The following FABP12 variants were observed in gnomAD, a reference collection of about 807,000 sequenced individuals.
FABP12 encodes the protein fatty acid-binding protein 12.
In FABP12, 19 loss-of-function variants were observed where a neutral mutation model predicts 13.7. The ratio of observed to expected loss-of-function variants is 1.39; its 90% CI spans 0.97 to 2.04. The LOEUF is 2.04. Among genes scored for constraint, FABP12 ranks in the 30% most tolerant of loss-of-function variants. The probability of loss-of-function intolerance (pLI) is 0.00; values close to 1 mark genes in which losing one functional copy is unlikely to be tolerated. For synonymous variants in FABP12, 61 were observed against 57.0 expected (o/e 1.07, Z -0.32); for missense variants, 182 against 164.2 (o/e 1.11, Z -0.59).
chr8:81,580,060 T>A (rs1421198424), intron 1 of FABP12, among the ~76,000 whole-genome samples: 2 of 152,206 alleles, frequency 1.3e-5, no homozygotes, highest in Non-Finnish European at 2.9e-5. Context: ...GAGAAAAGCG[T>A]GACAATTGTC....
chr8:81,568,623 G>A (rs1809870274), intron 1 of FABP12, among the ~76,000 whole-genome samples: 1 of 152,088 alleles, frequency 6.6e-6, no homozygotes. Context: ...GCAACACCAC[G>A]GCTAGGTAAA....
chr8:81,552,066 A>C (rs1809531275), intron 1 of FABP12, among the ~76,000 whole-genome samples: 1 of 152,152 alleles, frequency 6.6e-6, no homozygotes, highest in South Asian at 2.1e-4. Flanking sequence ...ATCTGTGACT[A>C]ATGCAAGCAG....
rs974336925 is a variant in FABP12, at chr8:81,556,769, A to G, written c.-184-17026T>C. Among the ~76,000 whole-genome samples the G allele has an allele frequency of 2.0e-5, 3 of 147,728 alleles. No individual in the cohort carries two copies. The Admixed American group carries it at 2.0e-4, about 10-fold the overall frequency. Reference sequence around the variant, plus strand: ...TTTTATTTTAAATATATATTTATATATAAATTATTATTTTATACATATATA... The same window carrying G: ...TTTTATTTTAAATATATATTTATATGTAAATTATTATTTTATACATATATA... On this transcript the variant is annotated intron_variant, in intron 1 of 5. Transcript: ENST00000692030.
At chr8:81,549,973 A>G (rs752608440) in intron 1 of FABP12, among the ~76,000 whole-genome samples, 7 of 152,192 alleles carry the variant, frequency 4.6e-5, no homozygotes, top group African/African-American at 1.7e-4. Context: ...TGCTGAAATT[A>G]TCTATGCTTA....
intron 1 of FABP12, among the ~76,000 whole-genome samples, chr8:81,564,997 A>G (rs965993568): frequency 1.3e-5 from 2 of 151,998 alleles, no homozygotes; most frequent in Admixed American, 6.6e-5. Flanking sequence ...TAAAAAAACA[A>G]TCATACCAAT....
upstream of FABP12, among the ~76,000 whole-genome samples, chr8:81,534,542 A>G (rs558164755): frequency 6.6e-6 from 1 of 152,290 alleles, no homozygotes; most frequent in South Asian, 2.1e-4. Context: ...GGCCTCCATT[A>G]TACTAGCCAC....
chr8:81,563,166 A>T (rs1364559318), intron 1 of FABP12, among the ~76,000 whole-genome samples: 1 of 152,228 alleles, frequency 6.6e-6, no homozygotes, highest in African/African-American at 2.4e-5. Flanking sequence ...ATCTTATCCA[A>T]GTCCACCAAG....
intron 1 of FABP12, among the ~76,000 whole-genome samples, chr8:81,580,509 A>G (rs890781675): frequency 5.3e-5 from 8 of 152,180 alleles, no homozygotes; most frequent in Non-Finnish European, 1.2e-4. Flanking sequence ...TATCATTTCT[A>G]CACAGGGTAA....
chr8:81,530,968 T>TA (rs1409937964), intron 2 of FABP12, among the ~76,000 whole-genome samples: 2 of 152,216 alleles, frequency 1.3e-5, no homozygotes, highest in African/African-American at 4.8e-5. Context: ...ATAATCATTT[T>TA]AAAAAATAGT....
At chr8:81,548,969 C>T (rs974862626) in intron 1 of FABP12, among the ~76,000 whole-genome samples, 3 of 152,238 alleles carry the variant, frequency 2.0e-5, no homozygotes, top group East Asian at 1.9e-4. Context: ...AACAGACAGA[C>T]GTTGACTAAA....
intron 1 of FABP12, among the ~76,000 whole-genome samples, chr8:81,573,512 C>A (rs7831067): frequency 0.8 from 121,546 of 152,062 alleles, 49,956 homozygotes; most frequent in East Asian, 0.92. Context: ...TTGATGGGGA[C>A]TGCATTGAAT....
chr8:81,544,988 T>A (rs1178215044), intron 1 of FABP12, among the ~76,000 whole-genome samples: 13 of 152,198 alleles, frequency 8.5e-5, no homozygotes, highest in Admixed American at 8.5e-4. Flanking sequence ...GGCCAGGAAG[T>A]ACTTACAGAG....
upstream of FABP12, among the ~76,000 whole-genome samples, chr8:81,536,177 C>A (rs370687453): frequency 7.2e-5 from 11 of 152,240 alleles, no homozygotes; most frequent in African/African-American, 2.2e-4. Flanking sequence ...CAAGAGCAAC[C>A]ACTGAAACTC....
At chr8:81,529,690 C>A in intron 2 of FABP12, 80 bp from the exon 3 acceptor site, 1 of 1,253,144 alleles carries the variant, frequency 8.0e-7, no homozygotes, top group Non-Finnish European at 1.1e-6. Flanking sequence ...ATACTTAAAT[C>A]TGTTGTTGAC....
intron 1 of FABP12, among the ~76,000 whole-genome samples, chr8:81,550,731 C>T (rs1224298172): frequency 2.0e-5 from 3 of 152,174 alleles, no homozygotes; most frequent in African/African-American, 4.8e-5. Context: ...AGGGAGCTCA[C>T]TTAGTCTGGA....
At chr8:81,529,607 A>C in exon 3 of FABP12, 9 of 1,612,310 alleles carry the variant, frequency 5.6e-6, no homozygotes, top group Non-Finnish European at 7.6e-6. Flanking sequence ...GGCTCTTCCT[A>C]TACCTGGAAA....
At chr8:81,589,100 G>A (rs115001296) in intron 1 of FABP12, among the ~76,000 whole-genome samples, 2,921 of 152,264 alleles carry the variant, frequency 0.019, 66 homozygotes, top group African/African-American at 0.057. Context: ...AGCAACTAGA[G>A]GAGAGAAAAG....
At chr8:81,542,494 G>A (rs1308761986) in intron 1 of FABP12, among the ~76,000 whole-genome samples, 1 of 152,142 alleles carries the variant, frequency 6.6e-6, no homozygotes, top group East Asian at 1.9e-4. Flanking sequence ...ACAAGGACCC[G>A]AAAGCTAGAA....
chr8:81,538,777 T>C (rs1283329769), upstream of FABP12, among the ~76,000 whole-genome samples: 4 of 152,160 alleles, frequency 2.6e-5, no homozygotes, highest in Admixed American at 1.3e-4. Context: ...CCCAGGAAAG[T>C]AATACAGAGA....
Sources: gnomAD v4.1 joint callset for allele counts (sites outside exome capture counted in the v4.1 genomes callset) on GRCh38, gnomAD v4.1.1 for gene constraint, MANE v1.5 for transcripts, NCBI Gene and HGNC (gene_info 2026-07-23, HGNC 2026-07-21) for gene names.